Variants in GLIS3 observed in about 807,000 individuals in gnomAD.
The protein encoded by GLIS3 is GLIS family zinc finger 3.
GLIS3 carries 53 observed loss-of-function variants against 78.6 expected under a neutral mutation model. The ratio of observed to expected loss-of-function variants is 0.67; its 90% CI spans 0.54 to 0.85. GLIS3 has a LOEUF of 0.85. GLIS3 is among the 40% of genes least tolerant of loss of function. The probability of loss-of-function intolerance (pLI) is 0.00; values close to 1 mark genes in which losing one functional copy is unlikely to be tolerated. For missense variants in GLIS3, 1,703 were observed against 1,231.1 expected (o/e 1.38, Z -5.74); for synonymous variants, 684 against 509.9 (o/e 1.34, Z -4.60).
the GLIS3 span, among the ~76,000 whole-genome samples, chr9:4,375,755 C>T: frequency 6.6e-6 from 1 of 152,182 alleles, no homozygotes; most frequent in Non-Finnish European, 1.5e-5. Context: ...CAACCAATAA[C>T]AGTCAGTGCG....
chr9:3,932,550 AC>A, intron 5 of GLIS3, 80 bp from the exon 6 acceptor site: 1 of 1,005,326 alleles, frequency 9.9e-7, no homozygotes, highest in African/African-American at 1.6e-5. Flanking sequence ...AAGACTATTG[AC>A]TTCAGAGCAT....
In GLIS3 at chr9:3,879,473, A is replaced by T; in HGVS notation, c.2251T>A (p.Ser751Thr). Residue 751 changes from serine to threonine, a missense_variant, in exon 8 of 11, where the codon TCC (serine) becomes ACC (threonine). By Grantham distance (58) the Ser-to-Thr change is moderately conservative. Transcript: ENST00000381971. ...HNVQGSPHNPSSQLPPLTAVD... is the reference protein window; with the variant it reads ...HNVQGSPHNPTSQLPPLTAVD... The stretch of plus-strand genomic sequence containing the variant: ...GCTGTGAGTGGAGGTAACTGGGAGG[A>T]GGGGTTGTGAGGGCTCCCCTGTACA... 1 of 1,613,834 alleles carries T rather than the reference A, an allele frequency of 6.2e-7. No individual in the cohort carries two copies. The highest frequency in any genetic ancestry group is 8.5e-7 in the Non-Finnish European group (1 of 1,179,936).
At chr9:4,460,763 A>G in the GLIS3 span, among the ~76,000 whole-genome samples, 3 of 152,212 alleles carry the variant, frequency 2.0e-5, no homozygotes, top group African/African-American at 4.8e-5. Context: ...ACATGTCTGC[A>G]TGCTGTGGGG....
intron 4 of GLIS3, chr9:4,054,488 G>A: frequency 1.0e-6 from 1 of 985,396 alleles, no homozygotes; most frequent in South Asian, 4.7e-5. Flanking sequence ...AGGGCCTACG[G>A]GTTCTGCAGG....
At chr9:4,266,832 T>C (rs1053330288) in intron 2 of GLIS3, among the ~76,000 whole-genome samples, 5 of 152,230 alleles carry the variant, frequency 3.3e-5, no homozygotes, top group African/African-American at 1.2e-4. Context: ...AAACTATTCT[T>C]TTCTTCTAAA....
chr9:3,847,262 C>T (rs564828795), intron 9 of GLIS3, among the ~76,000 whole-genome samples: 1 of 151,538 alleles, frequency 6.6e-6, no homozygotes, highest in African/African-American at 2.4e-5. Context: ...CAGGAAGTGC[C>T]CAGAGAAAAG....
At chr9:4,474,089 T>G in the GLIS3 span, among the ~76,000 whole-genome samples, 3 of 152,216 alleles carry the variant, frequency 2.0e-5, no homozygotes, top group African/African-American at 7.2e-5. Context: ...TGTGTACATC[T>G]GTAAGCTATC....
At chr9:4,078,900 G>C (rs1376910225) in intron 4 of GLIS3, among the ~76,000 whole-genome samples, 1 of 151,960 alleles carries the variant, frequency 6.6e-6, no homozygotes, top group African/African-American at 2.4e-5. Context: ...CCTCCCCTCT[G>C]TCCCCCGCCC....
chr9:4,462,385 G>A, the GLIS3 span, among the ~76,000 whole-genome samples: 1 of 152,144 alleles, frequency 6.6e-6, no homozygotes, highest in African/African-American at 2.4e-5. Flanking sequence ...CAGTGGGGGT[G>A]TTTTCAGACT....
chr9:4,196,304 C>G, intron 2 of GLIS3, among the ~76,000 whole-genome samples: 1 of 152,222 alleles, frequency 6.6e-6, no homozygotes, highest in Non-Finnish European at 1.5e-5. Context: ...GACCAATCAG[C>G]TCTCTGTAAA....
the GLIS3 span, among the ~76,000 whole-genome samples, chr9:4,481,417 T>A: frequency 1.5e-3 from 230 of 152,048 alleles, no homozygotes; most frequent in South Asian, 2.7e-3. Flanking sequence ...CTGGGAGGTG[T>A]ATGTTGCAGT....
intron 4 of GLIS3, among the ~76,000 whole-genome samples, chr9:4,109,049 G>C (rs995478283): frequency 6.6e-6 from 1 of 152,064 alleles, no homozygotes; most frequent in Non-Finnish European, 1.5e-5. Flanking sequence ...ACTGGGAATG[G>C]GTGCCATTTT....
At chr9:3,898,597 T>C (rs1009840380) in intron 7 of GLIS3, 94 bp downstream of exon 7, 2 of 1,484,114 alleles carry the variant, frequency 1.3e-6, no homozygotes, top group Admixed American at 3.4e-5. Context: ...CAGACGATCT[T>C]AGGAAAATTT....
intron 2 of GLIS3, among the ~76,000 whole-genome samples, chr9:4,280,526 G>A (rs1162635319): frequency 6.6e-6 from 1 of 152,086 alleles, no homozygotes; most frequent in Non-Finnish European, 1.5e-5. Context: ...AAAGTTAAAT[G>A]CAGTATAATA....
intron 4 of GLIS3, among the ~76,000 whole-genome samples, chr9:3,981,620 C>T (rs1242317208): frequency 6.6e-6 from 1 of 152,144 alleles, no homozygotes; most frequent in Non-Finnish European, 1.5e-5. Flanking sequence ...AACACAGCAC[C>T]TGAAACATAT....
intron 4 of GLIS3, among the ~76,000 whole-genome samples, chr9:3,955,869 A>G (rs374808863): frequency 2.0e-5 from 3 of 152,230 alleles, no homozygotes; most frequent in East Asian, 3.9e-4. Flanking sequence ...ATCTGGGAGA[A>G]GAAAGAGTCA....
At chr9:4,173,720 C>T (rs1025117261) in intron 2 of GLIS3, among the ~76,000 whole-genome samples, 7 of 152,044 alleles carry the variant, frequency 4.6e-5, no homozygotes, top group Admixed American at 6.6e-5. Context: ...CCACAGCCTC[C>T]GGAGTAGCTG....
intron 2 of GLIS3, among the ~76,000 whole-genome samples, chr9:4,175,502 T>C (rs745444952): frequency 1.3e-5 from 2 of 152,192 alleles, no homozygotes; most frequent in African/African-American, 4.8e-5. Flanking sequence ...AACTTTTATA[T>C]ATCCTTTGAG....
Position 4,146,931 on chromosome 9 carries a change from C to T in GLIS3, c.389-20990G>A, listed in dbSNP as rs75327960. 3.6e-3 allele frequency among the ~76,000 whole-genome samples: 545 copies of T among 152,286 alleles called. 19 individuals carry two copies. The East Asian group carries it at 0.073, about 20-fold the overall frequency. ...CGTTCGACTTTTAAAAACTATCTTG[C>T]TATTATTTCTCAATTTGATTGTCCC... On this transcript the variant is annotated intron_variant, in intron 2 of 10. Coordinates refer to ENST00000381971, the MANE Select transcript of GLIS3 (RefSeq NM_001042413.2).
Sources: gnomAD v4.1 joint callset for allele counts (sites outside exome capture counted in the v4.1 genomes callset) on GRCh38, gnomAD v4.1.1 for gene constraint, MANE v1.5 for transcripts, NCBI Gene and HGNC (gene_info 2026-07-23, HGNC 2026-07-21) for gene names.